The following CAMK2A variants were observed in gnomAD, a reference collection of about 807,000 sequenced individuals.
The protein encoded by CAMK2A is calcium/calmodulin-dependent protein kinase type II subunit alpha.
CAMK2A carries 7 observed loss-of-function variants against 79.2 expected under a neutral mutation model. That is an observed-to-expected ratio of 0.09 (90% CI 0.05 to 0.17). CAMK2A has a LOEUF of 0.17. Ranked by LOEUF, CAMK2A falls within the 10% of genes least tolerant of loss-of-function variation. The pLI is 1.00. For missense variants in CAMK2A, 214 were observed against 646.4 expected, an observed-to-expected ratio of 0.33 and a Z score of 7.25; for synonymous variants, 242 against 251.7, an observed-to-expected ratio of 0.96 and a Z score of 0.36.
In CAMK2A at chr5:150,264,986, T is replaced by C; in HGVS notation, c.187A>G (p.Ile63Val). Residue 63 changes from isoleucine to valine, a missense_variant, in exon 3 of 19, where the codon ATC (isoleucine) becomes GTC (valine). By Grantham distance (29) the Ile-to-Val change is conservative (BLOSUM62 3). Coordinates refer to ENST00000671881, the MANE Select transcript of CAMK2A (RefSeq NM_015981.4). ...TTGGGGTGCTTCAGCAGGCGGCAGATGCGGGCTTCACGCTCCAGCTTCTGA... is the reference window on the plus strand; with the variant it reads ...TTGGGGTGCTTCAGCAGGCGGCAGACGCGGGCTTCACGCTCCAGCTTCTGA... ...DHQKLEREAR[I>V]CRLLKHPNIV... 6.2e-7 allele frequency: 1 copy of C among 1,613,988 alleles called. No individual in the cohort carries two copies. The highest frequency in any genetic ancestry group is 1.3e-5 in the African/African-American group (1 of 75,028).
intron 6 of CAMK2A, among the ~76,000 whole-genome samples, chr5:150,254,556 C>T (rs1422256538): frequency 6.6e-6 from 1 of 152,164 alleles, no homozygotes; most frequent in Non-Finnish European, 1.5e-5. Flanking sequence ...GAAGGTCCCA[C>T]ACCTGGCCTC....
intron 2 of CAMK2A, among the ~76,000 whole-genome samples, chr5:150,267,617 T>C (rs1756564597): frequency 1.3e-5 from 2 of 152,210 alleles, no homozygotes; most frequent in Admixed American, 1.3e-4. Context: ...TGTAAACATA[T>C]ACATTATACA....
intron 3 of CAMK2A, among the ~76,000 whole-genome samples, chr5:150,263,471 CCA>C (rs777153133): frequency 6.6e-6 from 1 of 151,044 alleles, no homozygotes; most frequent in Admixed American, 6.6e-5. Context: ...TTCACACACT[CCA>C]CACACTCTCA....
intron 1 of CAMK2A, among the ~76,000 whole-genome samples, chr5:150,274,423 A>C (rs530473675): frequency 2.0e-5 from 3 of 152,302 alleles, no homozygotes; most frequent in African/African-American, 7.2e-5. Context: ...GAACTTGAGG[A>C]TGGTATTAGG....
chr5:150,278,339 G>A (rs1258685859), intron 1 of CAMK2A, among the ~76,000 whole-genome samples: 3 of 151,202 alleles, frequency 2.0e-5, no homozygotes, highest in Non-Finnish European at 4.4e-5. Context: ...AAGGCAGTGA[G>A]TCGGCAGCCC....
chr5:150,269,974 C>T (rs901194777), intron 2 of CAMK2A, among the ~76,000 whole-genome samples: 1 of 152,158 alleles, frequency 6.6e-6, no homozygotes, highest in Non-Finnish European at 1.5e-5. Context: ...AGGAAGTGAC[C>T]CCCTCATGCT....
Position 150,256,248 on chromosome 5 carries a change from G to A in CAMK2A, c.411+325C>T, listed in dbSNP as rs1405365191. On this transcript the variant is annotated intron_variant, in intron 6 of 18. Transcript: ENST00000671881. The surrounding 1 kb of genome is among the most constrained non-coding windows in gnomAD (Gnocchi z 4.6). ...CTACTAAAGGCTGCATGGCTGGAAA[G>A]TGGCCTGGTTGAGATTTGGACCCAG... Among the ~76,000 whole-genome samples the A allele has an allele frequency of 6.6e-6, 1 of 152,188 alleles. No individual in the cohort carries two copies. The highest frequency in any genetic ancestry group is 6.5e-5 in the Admixed American group (1 of 15,280).
At chr5:150,249,544 CT>C (rs1181111917) in intron 11 of CAMK2A, among the ~76,000 whole-genome samples, 3 of 127,300 alleles carry the variant, frequency 2.4e-5, no homozygotes, top group East Asian at 2.4e-4. Flanking sequence ...CGTTCCCATT[CT>C]TTTTTTTGTT....
intron 6 of CAMK2A, among the ~76,000 whole-genome samples, chr5:150,254,350 C>T (rs994167589): frequency 6.6e-6 from 1 of 152,282 alleles, no homozygotes; most frequent in South Asian, 2.1e-4. Flanking sequence ...TGGGGGGCCA[C>T]ACAGCAGGCA....
Position 150,289,703 on chromosome 5 carries a change from G to A in CAMK2A, c.-78C>T. 8.4e-7 allele frequency: 1 copy of A among 1,186,346 alleles called. No homozygotes were observed. The highest frequency in any genetic ancestry group is 1.2e-6 in the Non-Finnish European group (1 of 809,836). The allele number at this position is 1,186,346 out of a possible 1,614,324, so 73.5% of individuals were successfully genotyped here. ...CGCTGCTGCTCTGCTCCCGAACCTA[G>A]GGACCACTTGCCTGCCCGTGCTGCC... On this transcript the variant is annotated 5_prime_UTR_variant, in exon 1 of 19. Coordinates refer to ENST00000671881, the MANE Select transcript of CAMK2A (RefSeq NM_015981.4).
At chr5:150,253,926 C>T (rs949143442) in intron 6 of CAMK2A, among the ~76,000 whole-genome samples, 1 of 152,182 alleles carries the variant, frequency 6.6e-6, no homozygotes. Flanking sequence ...AAGTGTTCTG[C>T]GTGCATCATC....
chr5:150,264,624 T>C (rs1383739302), intron 3 of CAMK2A, among the ~76,000 whole-genome samples: 1 of 152,132 alleles, frequency 6.6e-6, no homozygotes, highest in Non-Finnish European at 1.5e-5. Flanking sequence ...GGTGTGGGTA[T>C]GGGGAATGGG....
intron 17 of CAMK2A, among the ~76,000 whole-genome samples, chr5:150,225,399 CT>C (rs990889499): frequency 6.6e-6 from 1 of 152,214 alleles, no homozygotes; most frequent in African/African-American, 2.4e-5. Flanking sequence ...GGAATGAGCA[CT>C]TACTCTGGGT....
intron 15 of CAMK2A, among the ~76,000 whole-genome samples, chr5:150,237,560 C>T (rs930194957): frequency 2.0e-5 from 3 of 152,280 alleles, no homozygotes; most frequent in East Asian, 1.9e-4. Flanking sequence ...ACCACCGAGG[C>T]CTTCAGAGTG....
intron 12 of CAMK2A, 136 bp from the exon 13 acceptor site, chr5:150,245,337 G>GGCCTCCTCCTCC (rs1562156887): frequency 1.5e-6 from 1 of 648,382 alleles, no homozygotes; most frequent in Non-Finnish European, 2.6e-6. Context: ...TCCTGGGGGA[G>GGCCTCCTCCTCC]GCCTCCTCCT....
At position 150,256,836 on chromosome 5, in the gene CAMK2A, G is replaced by A. The variant is rs1160689009; in HGVS notation, c.273-5C>T. ...AACAGTTCCCCACCAGTGACCCTGG[G>A]GAGACAGGCATGGAATCACCCTCTA... On this transcript the variant is annotated splice_region_variant and splice_polypyrimidine_tract_variant and intron_variant, in intron 4 of 18. Transcript: ENST00000671881. The surrounding 1 kb of genome is among the most constrained non-coding windows in gnomAD (Gnocchi z 4.6). The A allele has an allele frequency of 6.2e-7, 1 of 1,613,370 alleles. No homozygotes were observed. The highest frequency in any genetic ancestry group is 8.5e-7 in the Non-Finnish European group (1 of 1,179,462).
At chr5:150,243,401 C>T (rs1425381156) in intron 13 of CAMK2A, among the ~76,000 whole-genome samples, 2 of 152,342 alleles carry the variant, frequency 1.3e-5, no homozygotes, top group South Asian at 4.1e-4. Context: ...GCCCCAGCTA[C>T]TCCAAAGCTG....
chr5:150,247,309 T>C (rs1755614415), intron 12 of CAMK2A, among the ~76,000 whole-genome samples: 3 of 152,210 alleles, frequency 2.0e-5, no homozygotes, highest in Non-Finnish European at 2.9e-5. Context: ...TGCTTCCTCA[T>C]CCCAGAAATA....
rs767271782 is a variant in CAMK2A at position 150,250,211 on chromosome 5, G to A, written c.900+15C>T. 1.2e-6 allele frequency: 2 copies of A among 1,606,016 alleles called. No homozygotes were observed. Among genetic ancestry groups the A allele is most frequent in the South Asian group, 1.1e-5 (1 of 90,920 alleles). On this transcript the variant is annotated intron_variant, in intron 11 of 18. Transcript: ENST00000671881. ...AGTCCCATGGCCAGGACTGTGGAGG[G>A]TGAGGACCTGTTACCTTCAGTTTCC... is the stretch of plus-strand genomic sequence containing the variant.
Sources: gnomAD v4.1 joint callset for allele counts (sites outside exome capture counted in the v4.1 genomes callset) on GRCh38, gnomAD v4.1.1 for gene constraint, Gnocchi (gnomAD v3.1) non-coding constraint, MANE v1.5 for transcripts, NCBI Gene and HGNC (gene_info 2026-07-23, HGNC 2026-07-21) for gene names.